Variants in KLHL32 observed in about 807,000 individuals in gnomAD.
The protein encoded by KLHL32 is kelch-like protein 32.
In KLHL32, 35 loss-of-function variants were observed where a neutral mutation model predicts 64.8. The ratio of observed to expected loss-of-function variants is 0.54; its 90% CI spans 0.41 to 0.72. The LOEUF (loss-of-function observed/expected upper bound fraction) is 0.72, where lower values mean the gene tolerates loss of function less well. Among genes scored for constraint, KLHL32 ranks in the 30% least tolerant of loss-of-function variants. The pLI is 0.00. For missense variants in KLHL32, 589 were observed against 768.5 expected, an observed-to-expected ratio of 0.77 and a Z score of 2.76; for synonymous variants, 259 against 281.0, an observed-to-expected ratio of 0.92 and a Z score of 0.78.
At position 96,994,474 on chromosome 6, in the gene KLHL32, AG is replaced by A. The variant is rs1421172607; in HGVS notation, c.204+18298del. 190 of 984,082 alleles carry A rather than the reference AG, an allele frequency of 1.9e-4. No individual in the cohort carries two copies. The Middle Eastern group carries it at 2.1e-3, about 11-fold the overall frequency. 61.0% of individuals were successfully genotyped at this position (984,082 alleles called of 1,614,324 possible). A position where few individuals can be genotyped will look rare whatever the true frequency, so the allele number is the denominator to read the frequency against. On this transcript the variant is annotated intron_variant, in intron 3 of 10. Coordinates refer to ENST00000369261, the MANE Select transcript of KLHL32 (RefSeq NM_052904.4). ...TTAATTAAGTACTTTGGTATAAAGTAGATTTTTGTGCTCTGTACTCTGATAT... is the reference window on the plus strand; with the variant it reads ...TTAATTAAGTACTTTGGTATAAAGTAATTTTTGTGCTCTGTACTCTGATAT...
At chr6:96,955,662 C>T (rs1241274749) in intron 1 of KLHL32, among the ~76,000 whole-genome samples, 1 of 152,166 alleles carries the variant, frequency 6.6e-6, no homozygotes, top group Admixed American at 6.5e-5. Flanking sequence ...CGAGGCCAGG[C>T]ACGGTGGCTC....
intron 3 of KLHL32, among the ~76,000 whole-genome samples, chr6:97,021,881 A>G (rs1418824879): frequency 6.6e-6 from 1 of 150,918 alleles, no homozygotes; most frequent in African/African-American, 2.5e-5. Context: ...AATTAATGGC[A>G]ACTGTCCAGT....
intron 1 of KLHL32, among the ~76,000 whole-genome samples, chr6:96,948,223 A>G (rs916202693): frequency 6.6e-6 from 1 of 152,178 alleles, no homozygotes; most frequent in Admixed American, 6.6e-5. Context: ...AATTTTAGTC[A>G]GACTTACCTG....
rs111532691 is a variant in KLHL32, at chr6:97,072,254, A to T, written c.411+7528A>T. 9.8e-3 allele frequency among the ~76,000 whole-genome samples: 1,489 copies of T among 152,304 alleles called. 20 individuals carry two copies. Among genetic ancestry groups the T allele is most frequent in the African/African-American group, 0.033 (1,369 of 41,560 alleles). ...TCTCTTTCCACTACTACTGTCTTCA[A>T]TCAGATCCACATTACTTATTTTATG... On this transcript the variant is annotated intron_variant, in intron 5 of 10. Transcript: ENST00000369261.
At chr6:97,113,585 C>T (rs931786099) in intron 6 of KLHL32, among the ~76,000 whole-genome samples, 198 bp from the exon 7 acceptor site, 1 of 152,194 alleles carries the variant, frequency 6.6e-6, no homozygotes, top group African/African-American at 2.4e-5. Context: ...ACAGCAATGT[C>T]TTGAGTGCTT....
chr6:96,980,366 A>G (rs59411961), intron 3 of KLHL32, among the ~76,000 whole-genome samples: 19,667 of 152,176 alleles, frequency 0.13, 1,559 homozygotes, highest in East Asian at 0.26. Context: ...GGCTTTTAAC[A>G]TGAAGGGAAG....
chr6:97,047,278 C>T (rs149222214), intron 4 of KLHL32, among the ~76,000 whole-genome samples: 1 of 152,306 alleles, frequency 6.6e-6, no homozygotes, highest in African/African-American at 2.4e-5. Flanking sequence ...GAGAAATATG[C>T]CCTTCTTCTG....
chr6:97,097,654 A>G (rs1795167721), intron 6 of KLHL32, among the ~76,000 whole-genome samples: 1 of 151,666 alleles, frequency 6.6e-6, no homozygotes, highest in Admixed American at 6.6e-5. Context: ...CTTTTTTCAA[A>G]TGGAGCTCAA....
intron 7 of KLHL32, among the ~76,000 whole-genome samples, chr6:97,119,875 G>A (rs1364471078): frequency 6.6e-6 from 1 of 152,168 alleles, no homozygotes. Flanking sequence ...AGGAGATTAA[G>A]AAGGAAAGAA....
intron 3 of KLHL32, among the ~76,000 whole-genome samples, chr6:97,013,639 C>T (rs1455347183): frequency 1.3e-5 from 2 of 152,120 alleles, no homozygotes; most frequent in East Asian, 3.8e-4. Flanking sequence ...GATAAAATAA[C>T]ATTTAGTAAA....
Position 96,935,538 on chromosome 6 carries a change from C to T in KLHL32, c.-66+10512C>T, listed in dbSNP as rs575816586. On this transcript the variant is annotated intron_variant, in intron 1 of 10. Coordinates refer to ENST00000369261, the MANE Select transcript of KLHL32 (RefSeq NM_052904.4). Reference sequence around the variant, plus strand: ...AGAGGGAACACTAACTGTGAAACCGCGTCTATCATCAATTGATTTTGAACT... The same window carrying T: ...AGAGGGAACACTAACTGTGAAACCGTGTCTATCATCAATTGATTTTGAACT... Among the ~76,000 whole-genome samples the T allele has an allele frequency of 3.3e-5, 5 of 152,250 alleles. No homozygotes were observed. The South Asian group carries it at 1.0e-3, about 32-fold the overall frequency.
intron 7 of KLHL32, among the ~76,000 whole-genome samples, chr6:97,126,153 C>A (rs1483123012): frequency 6.6e-6 from 1 of 151,946 alleles, no homozygotes. Context: ...AATTTTATAT[C>A]TTTATTGAAA....
At chr6:97,066,483 T>C (rs1789767278) in intron 5 of KLHL32, among the ~76,000 whole-genome samples, 1 of 152,244 alleles carries the variant, frequency 6.6e-6, no homozygotes, top group Non-Finnish European at 1.5e-5. Flanking sequence ...GGTAAAAGTG[T>C]AGCATGCATA....
At chr6:96,932,280 A>G (rs1418181183) in intron 1 of KLHL32, among the ~76,000 whole-genome samples, 1 of 150,534 alleles carries the variant, frequency 6.6e-6, no homozygotes, top group Non-Finnish European at 1.5e-5. Context: ...TGAAAACATT[A>G]ATTACCTACA....
intron 3 of KLHL32, among the ~76,000 whole-genome samples, chr6:97,037,705 A>C (rs963986460): frequency 6.6e-6 from 1 of 152,134 alleles, no homozygotes; most frequent in Non-Finnish European, 1.5e-5. Context: ...AACCACAAAA[A>C]CCCCAAATAA....
intron 3 of KLHL32, among the ~76,000 whole-genome samples, chr6:97,005,964 A>G (rs1464955684): frequency 6.6e-6 from 1 of 152,060 alleles, no homozygotes; most frequent in South Asian, 2.1e-4. Flanking sequence ...TAGTATGTAC[A>G]GAAGAGAAGA....
At chr6:97,006,164 A>G (rs1779637275) in intron 3 of KLHL32, among the ~76,000 whole-genome samples, 1 of 152,152 alleles carries the variant, frequency 6.6e-6, no homozygotes, top group African/African-American at 2.4e-5. Context: ...GGTCTGTAAG[A>G]ACTTGCTTTA....
At chr6:96,971,473 G>C (rs1242567807) in intron 2 of KLHL32, among the ~76,000 whole-genome samples, 1 of 152,148 alleles carries the variant, frequency 6.6e-6, no homozygotes, top group African/African-American at 2.4e-5. Context: ...ATCAATTCCA[G>C]AATGAAAGTT....
intron 5 of KLHL32, among the ~76,000 whole-genome samples, chr6:97,068,023 C>T (rs1790084104): frequency 6.6e-6 from 1 of 151,972 alleles, no homozygotes; most frequent in African/African-American, 2.4e-5. Context: ...CACACACACA[C>T]ACACACACAC....
Sources: allele counts gnomAD v4.1 joint callset (sites outside exome capture counted in the v4.1 genomes callset), GRCh38; gene constraint gnomAD v4.1.1; transcripts MANE v1.5; gene names NCBI Gene and HGNC (gene_info 2026-07-23, HGNC 2026-07-21).